GAP43: variants seen among roughly 807,000 people sequenced by gnomAD.
GAP43 encodes neuromodulin.
Under a neutral mutation model 18.6 loss-of-function variants are expected in GAP43, and 6 were observed. The observed-to-expected ratio is 0.32, with a 90% CI of 0.18 to 0.64. GAP43 has a LOEUF of 0.64. Ranked by LOEUF, GAP43 falls within the 30% of genes least tolerant of loss-of-function variation. The probability of loss-of-function intolerance (pLI) is 0.78; values close to 1 mark genes in which losing one functional copy is unlikely to be tolerated. For missense variants in GAP43, 292 were observed against 295.5 expected, an observed-to-expected ratio of 0.99 and a Z score of 0.09; for synonymous variants, 115 against 111.4, an observed-to-expected ratio of 1.03 and a Z score of -0.20.
At chr3:115,634,681 G>A (rs1235548074) in intron 1 of GAP43, among the ~76,000 whole-genome samples, 1 of 151,914 alleles carries the variant, frequency 6.6e-6, no homozygotes, top group Non-Finnish European at 1.5e-5. Context: ...GATGAGGAAG[G>A]ATCTCTTCAG....
intron 1 of GAP43, among the ~76,000 whole-genome samples, chr3:115,665,684 G>A (rs752999937): frequency 6.6e-6 from 1 of 152,050 alleles, no homozygotes; most frequent in Non-Finnish European, 1.5e-5. Flanking sequence ...GACACGTATT[G>A]TGTATCCTTA....
intron 1 of GAP43, among the ~76,000 whole-genome samples, chr3:115,670,857 T>C (rs1434424329): frequency 2.6e-5 from 4 of 152,222 alleles, no homozygotes; most frequent in African/African-American, 9.6e-5. Flanking sequence ...TTCAAGTTTG[T>C]TCTCAAAAAT....
chr3:115,720,840 G>A lies in GAP43; in HGVS notation c.675G>A (p.Glu225=). 6.2e-7 allele frequency: 1 copy of A among 1,613,098 alleles called. No individual in the cohort carries two copies. The highest frequency in any genetic ancestry group is 8.5e-7 in the Non-Finnish European group (1 of 1,179,370). The change falls in exon 3 of 3, where the codon GAG becomes GAA. Residue 225 remains glutamate (E), a synonymous_variant. Transcript: ENST00000305124. ...TKPKESARQD[E]GKEEEPEADQ... ...CTAAGGAAAGTGCCCGGCAGGACGAGGGTAAAGAAGAGGAACCTGAGGCTG... is the reference window on the plus strand; with the variant it reads ...CTAAGGAAAGTGCCCGGCAGGACGAAGGTAAAGAAGAGGAACCTGAGGCTG...
chr3:115,642,495 G>A (rs887284678), intron 1 of GAP43, among the ~76,000 whole-genome samples: 1 of 151,354 alleles, frequency 6.6e-6, no homozygotes, highest in Non-Finnish European at 1.5e-5. Context: ...TTAAAAGTCT[G>A]TATTCTAGAA....
At chr3:115,702,408 G>A (rs765757813) in intron 2 of GAP43, among the ~76,000 whole-genome samples, 29 of 152,050 alleles carry the variant, frequency 1.9e-4, no homozygotes, top group Non-Finnish European at 3.4e-4. Context: ...GTCATGTTAG[G>A]GGACAGAAAG....
At chr3:115,641,026 T>A (rs1319470096) in intron 1 of GAP43, among the ~76,000 whole-genome samples, 2 of 105,584 alleles carry the variant, frequency 1.9e-5, no homozygotes, top group Non-Finnish European at 4.1e-5. Context: ...CTTTATTCTG[T>A]TTTTTTTTTT....
At chr3:115,715,913 C>T (rs149218983) in intron 2 of GAP43, among the ~76,000 whole-genome samples, 2 of 152,290 alleles carry the variant, frequency 1.3e-5, no homozygotes, top group Non-Finnish European at 2.9e-5. Flanking sequence ...CTCTGTCCTA[C>T]GTTGGAATTT....
chr3:115,629,448 C>T (rs1246870903), intron 1 of GAP43, among the ~76,000 whole-genome samples: 6 of 149,146 alleles, frequency 4.0e-5, no homozygotes, highest in South Asian at 4.2e-4. Flanking sequence ...GCCAAGATTT[C>T]AGGCCTTGGT....
At chr3:115,625,275 G>C (rs1186359145) in intron 1 of GAP43, among the ~76,000 whole-genome samples, 1 of 150,820 alleles carries the variant, frequency 6.6e-6, no homozygotes, top group Non-Finnish European at 1.5e-5. Context: ...GAAAAAGTCG[G>C]ATAGTGGGGG....
chr3:115,721,218 G>A lies in GAP43; in HGVS notation c.*336G>A, dbSNP rs1371678442. 1 of 156,290 alleles carries A rather than the reference G, an allele frequency of 6.4e-6. No individual in the cohort carries two copies. The highest frequency in any genetic ancestry group is 2.4e-5 in the African/African-American group (1 of 40,880). The allele number at this position is 156,290 out of a possible 1,614,324, so 9.7% of individuals were successfully genotyped here. A position where few individuals can be genotyped will look rare whatever the true frequency, so the allele number is the denominator to read the frequency against. On this transcript the variant is annotated 3_prime_UTR_variant, in exon 3 of 3. Coordinates refer to ENST00000305124, the MANE Select transcript of GAP43 (RefSeq NM_002045.4). ...ATCTGGTGCGTGTGGCCCTGTGGGA[G>A]TCCACTTTCCTCTCTCTCTCTCTCT...
chr3:115,671,248 C>T (rs1439093578), intron 1 of GAP43, among the ~76,000 whole-genome samples: 1 of 152,120 alleles, frequency 6.6e-6, no homozygotes, highest in East Asian at 1.9e-4. Flanking sequence ...CTCCTTTCCC[C>T]AAAGGAAAAG....
At chr3:115,687,540 A>G (rs201221508) in intron 2 of GAP43, among the ~76,000 whole-genome samples, 1 of 152,154 alleles carries the variant, frequency 6.6e-6, no homozygotes, top group Non-Finnish European at 1.5e-5. Flanking sequence ...AAGAAAATTT[A>G]TTTTCTAGAA....
At chr3:115,683,140 C>T (rs1190785315) in intron 2 of GAP43, among the ~76,000 whole-genome samples, 54 of 131,174 alleles carry the variant, frequency 4.1e-4, no homozygotes, top group African/African-American at 1.2e-3. Flanking sequence ...CGCGTGCGCG[C>T]GCGCGCGCAC....
At chr3:115,661,710 G>A (rs34445778) in intron 1 of GAP43, among the ~76,000 whole-genome samples, 23,604 of 151,684 alleles carry the variant, frequency 0.16, 2,264 homozygotes, top group Admixed American at 0.21. Flanking sequence ...GGATGGTCTC[G>A]ATCTCCTGAC....
At chr3:115,658,666 G>A (rs1330596369) in intron 1 of GAP43, 1 of 152,200 alleles carries the variant, frequency 6.6e-6, no homozygotes, top group Admixed American at 6.5e-5. Context: ...GGGGTCCGCG[G>A]GGCTCCTCCT....
chr3:115,689,604 G>A (rs948552352), intron 2 of GAP43, among the ~76,000 whole-genome samples: 1 of 152,070 alleles, frequency 6.6e-6, no homozygotes, highest in Non-Finnish European at 1.5e-5. Context: ...ATATTTCCTA[G>A]GCACCCAGAC....
At chr3:115,663,605 G>A (rs1423690318) in intron 1 of GAP43, 5 of 1,313,792 alleles carry the variant, frequency 3.8e-6, no homozygotes, top group Non-Finnish European at 4.8e-6. Context: ...AGGAAAATGA[G>A]TCACAGCATC....
At chr3:115,681,231 T>G (rs1480798764) in intron 2 of GAP43, among the ~76,000 whole-genome samples, 6 of 152,216 alleles carry the variant, frequency 3.9e-5, no homozygotes, top group Non-Finnish European at 8.8e-5. Context: ...TGATAATATT[T>G]TTCTTTCTAT....
intron 1 of GAP43, chr3:115,658,827 G>T (rs868805083): frequency 1.3e-5 from 2 of 152,358 alleles, no homozygotes; most frequent in African/African-American, 4.8e-5. Flanking sequence ...AGGGCCCCAG[G>T]TCTCTCCGCG....
Sources: gnomAD v4.1 joint callset for allele counts (sites outside exome capture counted in the v4.1 genomes callset) on GRCh38, gnomAD v4.1.1 for gene constraint, MANE v1.5 for transcripts, NCBI Gene and HGNC (gene_info 2026-07-23, HGNC 2026-07-21) for gene names.